FAM53B: variants seen among roughly 807,000 people sequenced by gnomAD.
FAM53B encodes the protein family with sequence similarity 53 member B.
In FAM53B, 12 loss-of-function variants were observed where a neutral mutation model predicts 32.7. That is an observed-to-expected ratio of 0.37 (90% confidence interval 0.24 to 0.59). FAM53B has a LOEUF of 0.59. Among genes scored for constraint, FAM53B ranks in the 20% least tolerant of loss-of-function variants. The probability of loss-of-function intolerance (pLI) is 0.72; values close to 1 mark genes in which losing one functional copy is unlikely to be tolerated. For synonymous variants in FAM53B, 234 were observed against 228.7 expected (o/e 1.02, Z -0.21); for missense variants, 477 against 577.7 (o/e 0.83, Z 1.79).
chr10:124,701,428 T>C (rs1949914350), intron 2 of FAM53B, among the ~76,000 whole-genome samples: 1 of 152,248 alleles, frequency 6.6e-6, no homozygotes, highest in South Asian at 2.1e-4. Context: ...AGCTCCATGC[T>C]GCCCTCTGCC....
intron 3 of FAM53B, among the ~76,000 whole-genome samples, chr10:124,693,928 TCTATGACAG>T (rs1190179340): frequency 6.6e-6 from 1 of 152,164 alleles, no homozygotes; most frequent in African/African-American, 2.4e-5. Flanking sequence ...TCAAGTCATA[TCTATGACAG>T]CAAGCCACTG....
intron 2 of FAM53B, among the ~76,000 whole-genome samples, chr10:124,697,730 C>T (rs956281547): frequency 3.3e-5 from 5 of 152,036 alleles, no homozygotes; most frequent in African/African-American, 1.2e-4. Context: ...TTGATGAGGA[C>T]CACAGGAGCT....
At chr10:124,704,888 G>A (rs973129557) in intron 2 of FAM53B, among the ~76,000 whole-genome samples, 1 of 152,208 alleles carries the variant, frequency 6.6e-6, no homozygotes, top group Non-Finnish European at 1.5e-5. Flanking sequence ...AACAGCAGGT[G>A]GAACCAGGGT....
intron 3 of FAM53B, among the ~76,000 whole-genome samples, chr10:124,692,384 C>T (rs1329193443): frequency 1.3e-5 from 2 of 151,950 alleles, no homozygotes; most frequent in African/African-American, 4.8e-5. Flanking sequence ...AATCACAGGG[C>T]GTGAAGTGCT....
intron 2 of FAM53B, among the ~76,000 whole-genome samples, chr10:124,706,095 A>G (rs558937712): frequency 6.6e-4 from 100 of 152,312 alleles, no homozygotes; most frequent in African/African-American, 2.3e-3. Flanking sequence ...TAGTCTAAGA[A>G]GGCCGAGTTA....
intron 4 of FAM53B, among the ~76,000 whole-genome samples, chr10:124,639,070 C>A (rs903743108): frequency 6.6e-6 from 1 of 152,218 alleles, no homozygotes; most frequent in Admixed American, 6.5e-5. Context: ...GACTTACCCA[C>A]CAGGGACCCT....
At chr10:124,705,101 C>A (rs1949943865) in intron 2 of FAM53B, among the ~76,000 whole-genome samples, 1 of 152,202 alleles carries the variant, frequency 6.6e-6, no homozygotes, top group African/African-American at 2.4e-5. Flanking sequence ...AGGAGCAAAG[C>A]TGAGTCCCTA....
At chr10:124,660,086 C>A (rs559547857) in intron 4 of FAM53B, among the ~76,000 whole-genome samples, 2 of 152,368 alleles carry the variant, frequency 1.3e-5, no homozygotes, top group Non-Finnish European at 2.9e-5. Flanking sequence ...GGATTACAGG[C>A]ATGAGCCGCT....
intron 4 of FAM53B, among the ~76,000 whole-genome samples, chr10:124,657,072 GTA>G (rs60087095): frequency 1.7e-3 from 238 of 139,228 alleles, no homozygotes; most frequent in Non-Finnish European, 2.3e-3. Flanking sequence ...ATATATATAT[GTA>G]TATATATGTG....
chr10:124,696,079 T>C (rs1949867579), intron 3 of FAM53B, 79 bp downstream of exon 3: 6 of 1,148,798 alleles, frequency 5.2e-6, no homozygotes, highest in Non-Finnish European at 7.9e-6. Flanking sequence ...GAAAGTGCTT[T>C]GAGTGTCTCA....
rs916692237 is a variant in FAM53B, at chr10:124,622,652, C to T, written c.*590G>A. On this transcript the variant is annotated 3_prime_UTR_variant, in exon 5 of 5. Coordinates refer to ENST00000337318, the MANE Select transcript of FAM53B (RefSeq NM_014661.4). ...CCAGCACCCCAGGGATTCTGTCTCTCACATTGGAATTAAGGCCAAATGGTT... is the reference window on the plus strand; with the variant it reads ...CCAGCACCCCAGGGATTCTGTCTCTTACATTGGAATTAAGGCCAAATGGTT... 6.6e-6 allele frequency: 1 copy of T among 152,604 alleles called. No homozygotes were observed. Among genetic ancestry groups the T allele is most frequent in the Non-Finnish European group, 1.5e-5 (1 of 68,134 alleles). 9.5% of individuals were successfully genotyped at this position (152,604 alleles called of 1,614,324 possible).
intron 1 of FAM53B, among the ~76,000 whole-genome samples, chr10:124,738,055 C>A (rs998122183): frequency 1.3e-5 from 2 of 152,054 alleles, no homozygotes; most frequent in Non-Finnish European, 1.5e-5. Context: ...ACAGCAGACA[C>A]TTCCCCTAGG....
chr10:124,695,679 T>A (rs1279942820), intron 3 of FAM53B, among the ~76,000 whole-genome samples: 1 of 152,166 alleles, frequency 6.6e-6, no homozygotes, highest in Non-Finnish European at 1.5e-5. Flanking sequence ...TTAAAATGCA[T>A]GGAATGAACA....
chr10:124,627,173 T>C (rs1238358099), intron 4 of FAM53B, among the ~76,000 whole-genome samples: 1 of 152,196 alleles, frequency 6.6e-6, no homozygotes, highest in Admixed American at 6.5e-5. Context: ...CAGGAAGGAA[T>C]GTGACTGCCA....
intron 3 of FAM53B, among the ~76,000 whole-genome samples, chr10:124,695,655 G>A (rs188902363): frequency 9.9e-5 from 15 of 152,192 alleles, no homozygotes; most frequent in Middle Eastern, 3.4e-3. Context: ...CACCCAATGC[G>A]GTACTGTAGA....
chr10:124,670,342 G>A (rs1949700634), intron 4 of FAM53B, among the ~76,000 whole-genome samples: 2 of 152,184 alleles, frequency 1.3e-5, no homozygotes, highest in South Asian at 4.1e-4. Context: ...CAAGGTGGAA[G>A]ATAAGCATAG....
rs1949328682 is a variant in FAM53B, at chr10:124,623,846, A to C, written c.907-242T>G. ...TCCACTATTCACCTACTAACTCGGC[A>C]AAGCACACAAATTTGATGCAGACCC... On this transcript the variant is annotated intron_variant, in intron 4 of 4. Coordinates refer to ENST00000337318, the MANE Select transcript of FAM53B (RefSeq NM_014661.4). 7.1e-5 allele frequency: 35 copies of C among 491,814 alleles called. 2 individuals carry two copies. In the South Asian group the frequency reaches 1.0e-3, roughly 14 times the overall value. 30.5% of individuals were successfully genotyped at this position (491,814 alleles called of 1,614,324 possible).
intron 4 of FAM53B, among the ~76,000 whole-genome samples, chr10:124,638,067 T>A (rs1029696126): frequency 6.6e-6 from 1 of 152,192 alleles, no homozygotes; most frequent in Non-Finnish European, 1.5e-5. Context: ...GGTGGGATCC[T>A]GCCTGTCAAC....
At chr10:124,662,850 C>T (rs1228216036) in intron 4 of FAM53B, among the ~76,000 whole-genome samples, 6 of 152,186 alleles carry the variant, frequency 3.9e-5, no homozygotes, top group African/African-American at 1.2e-4. Flanking sequence ...AAACCACTCA[C>T]ACCTTGGTAG....
Sources: allele counts gnomAD v4.1 joint callset (sites outside exome capture counted in the v4.1 genomes callset), GRCh38; gene constraint gnomAD v4.1.1; transcripts MANE v1.5; gene names NCBI Gene and HGNC (gene_info 2026-07-23, HGNC 2026-07-21).